The following PALLD variants were observed in gnomAD, a reference collection of about 807,000 sequenced individuals.
PALLD encodes palladin, cytoskeletal associated protein.
Under a neutral mutation model 123.5 loss-of-function variants are expected in PALLD, and 61 were observed. The ratio of observed to expected loss-of-function variants is 0.49; its 90% CI spans 0.40 to 0.61. PALLD has a LOEUF of 0.61. Ranked by LOEUF, PALLD falls within the 20% of genes least tolerant of loss-of-function variation. The pLI, the probability that PALLD is intolerant of heterozygous loss-of-function variation, is 0.00. For synonymous variants in PALLD, 465 were observed against 496.4 expected, an observed-to-expected ratio of 0.94 and a Z score of 0.84; for missense variants, 1,273 against 1,377.0, an observed-to-expected ratio of 0.92 and a Z score of 1.20.
intron 10 of PALLD, among the ~76,000 whole-genome samples, chr4:168,798,028 AC>A (rs1738772406): frequency 6.6e-6 from 1 of 152,156 alleles, no homozygotes; most frequent in Non-Finnish European, 1.5e-5. Context: ...TTGCACACAA[AC>A]AAGCCCCACC....
At chr4:168,567,412 GAAA>G (rs1052615264) in intron 2 of PALLD, among the ~76,000 whole-genome samples, 2 of 151,570 alleles carry the variant, frequency 1.3e-5, no homozygotes, top group Non-Finnish European at 2.9e-5. Flanking sequence ...AAAAACATAT[GAAA>G]AAATGCTCAA....
chr4:168,518,202 T>C (rs1763181209), intron 2 of PALLD, among the ~76,000 whole-genome samples: 1 of 152,104 alleles, frequency 6.6e-6, no homozygotes, highest in Admixed American at 6.6e-5. Context: ...CCACCTTTAA[T>C]GTCTCCAGAT....
chr4:168,498,178 C>T (rs1189459375), intron 1 of PALLD, among the ~76,000 whole-genome samples: 1 of 152,072 alleles, frequency 6.6e-6, no homozygotes, highest in Non-Finnish European at 1.5e-5. Flanking sequence ...TTATTGCTAA[C>T]AGCAGAAAAG....
chr4:168,819,445 G>A (rs1742414006), intron 10 of PALLD, among the ~76,000 whole-genome samples: 1 of 151,922 alleles, frequency 6.6e-6, no homozygotes, highest in African/African-American at 2.4e-5. Flanking sequence ...GTCATCAGCA[G>A]CACCCCAGTT....
chr4:168,879,950 A>G (rs1169864544), intron 10 of PALLD, among the ~76,000 whole-genome samples: 2 of 152,212 alleles, frequency 1.3e-5, no homozygotes, highest in African/African-American at 2.4e-5. Context: ...CCAAAGAGCC[A>G]GAGTTTGTTG....
intron 10 of PALLD, among the ~76,000 whole-genome samples, chr4:168,836,686 C>T (rs928048474): frequency 2.0e-5 from 3 of 152,142 alleles, no homozygotes; most frequent in Non-Finnish European, 2.9e-5. Context: ...TTGGCGTTGA[C>T]GTCTATGACA....
Position 168,683,079 on chromosome 4 carries a change from A to T in PALLD, c.1236A>T (p.Gln412His). 1.9e-6 allele frequency: 3 copies of T among 1,609,612 alleles called. No homozygotes were observed. Among genetic ancestry groups the T allele is most frequent in the Non-Finnish European group, 2.6e-6 (3 of 1,175,934 alleles). ...PKTGVTTAVI[Q>H]PLSVPVQQVH... ...CAGGGGTGACCACAGCTGTGATTCA[A>T]CCACTGTCTGTCCCTGTGCAACAGG... is the stretch of plus-strand genomic sequence containing the variant. Residue 412 changes from glutamine to histidine, a missense_variant, in exon 5 of 22, where the codon CAA (glutamine) becomes CAT (histidine). Around this residue, in one of 2 missense-constraint regions of PALLD, gnomAD observed 944 missense variants for 954.5 expected, o/e 0.99. Coordinates refer to ENST00000505667, the MANE Select transcript of PALLD (RefSeq NM_001166108.2).
chr4:168,628,227 T>C (rs1775480978), intron 2 of PALLD, among the ~76,000 whole-genome samples: 1 of 152,228 alleles, frequency 6.6e-6, no homozygotes, highest in Non-Finnish European at 1.5e-5. Context: ...GGGATTCTGA[T>C]TGAATAAATC....
intron 6 of PALLD, chr4:168,686,682 C>T (rs1420383413): frequency 6.6e-6 from 1 of 152,266 alleles, no homozygotes; most frequent in Non-Finnish European, 1.5e-5. Context: ...TGTATCATCT[C>T]GATCTTAGTA....
intron 10 of PALLD, among the ~76,000 whole-genome samples, chr4:168,856,564 C>G (rs549928168): frequency 6.6e-6 from 1 of 152,048 alleles, no homozygotes; most frequent in Non-Finnish European, 1.5e-5. Context: ...GGTATCTCAT[C>G]GTGGTTTTGG....
chr4:168,635,369 C>T (rs1346109691), intron 2 of PALLD, among the ~76,000 whole-genome samples: 1 of 152,214 alleles, frequency 6.6e-6, no homozygotes, highest in African/African-American at 2.4e-5. Flanking sequence ...GGGTGCAACA[C>T]TTCGTTTGTG....
At chr4:168,635,581 A>C (rs1239552813) in intron 2 of PALLD, among the ~76,000 whole-genome samples, 1 of 152,226 alleles carries the variant, frequency 6.6e-6, no homozygotes, top group Non-Finnish European at 1.5e-5. Flanking sequence ...ATTACAAGCT[A>C]TCAGATAGCC....
chr4:168,629,312 C>T (rs1476045463), intron 2 of PALLD, among the ~76,000 whole-genome samples: 3 of 152,060 alleles, frequency 2.0e-5, no homozygotes, highest in African/African-American at 7.2e-5. Context: ...CCGTGCCCGG[C>T]CCTGCCTATA....
intron 2 of PALLD, chr4:168,530,687 C>G (rs1764522123): frequency 6.6e-6 from 1 of 151,946 alleles, no homozygotes; most frequent in Non-Finnish European, 1.5e-5. Flanking sequence ...GCTGAATAAA[C>G]TTCACAGAAG....
intron 8 of PALLD, among the ~76,000 whole-genome samples, chr4:168,697,280 G>A (rs1246833049): frequency 6.6e-6 from 1 of 152,194 alleles, no homozygotes; most frequent in Non-Finnish European, 1.5e-5. Context: ...TCTGGAACCC[G>A]ACAGTGTGCT....
chr4:168,870,991 C>T (rs1030653501), intron 10 of PALLD, among the ~76,000 whole-genome samples: 7 of 152,258 alleles, frequency 4.6e-5, no homozygotes, highest in African/African-American at 1.7e-4. Context: ...TGAGTGGCTT[C>T]CCTGTGAGTA....
intron 2 of PALLD, among the ~76,000 whole-genome samples, chr4:168,589,467 T>C (rs1038954579): frequency 1.3e-5 from 2 of 152,162 alleles, no homozygotes; most frequent in African/African-American, 4.8e-5. Context: ...TATCAGTGCC[T>C]ATACTTTAAA....
At chr4:168,837,520 C>G (rs1745369027) in intron 10 of PALLD, among the ~76,000 whole-genome samples, 2 of 152,216 alleles carry the variant, frequency 1.3e-5, no homozygotes, top group South Asian at 4.1e-4. Flanking sequence ...AACCTGGATG[C>G]TAATGGATAT....
Position 168,915,950 on chromosome 4 carries a change from T to C in PALLD, c.2773T>C (p.Phe925Leu), listed in dbSNP as rs1462946425. The C allele has an allele frequency of 6.2e-7, 1 of 1,613,318 alleles. No individual in the cohort carries two copies. The highest frequency in any genetic ancestry group is 8.5e-7 in the Non-Finnish European group (1 of 1,179,234). ...GDENEPIQER[F>L]FRPHFLQAPG... ...CGAAAATGAACCAATTCAGGAGCGA[T>C]TCTTCAGACCTCACTTCTTGCAGGC... Residue 925 changes from phenylalanine to leucine, a missense_variant, in exon 17 of 22, where the codon TTC becomes CTC. Phe to Leu is a conservative substitution (Grantham distance 22). Coordinates refer to ENST00000505667, the MANE Select transcript of PALLD (RefSeq NM_001166108.2).
Sources: allele counts gnomAD v4.1 joint callset (sites outside exome capture counted in the v4.1 genomes callset), GRCh38; gene constraint gnomAD v4.1.1; regional missense constraint gnomAD v4.1.1; transcripts MANE v1.5; gene names NCBI Gene and HGNC (gene_info 2026-07-23, HGNC 2026-07-21).